The following FBXW7 variants were observed in gnomAD, a reference collection of about 807,000 sequenced individuals.
FBXW7 encodes F-box and WD repeat domain containing 7, also known as F-box/WD repeat-containing protein 7.
FBXW7 carries 11 observed loss-of-function variants against 86.3 expected under a neutral mutation model. The ratio of observed to expected loss-of-function variants is 0.13; its 90% CI spans 0.08 to 0.21. The LOEUF (loss-of-function observed/expected upper bound fraction) is 0.21. Among genes scored for constraint, FBXW7 ranks in the 10% least tolerant of loss-of-function variants. FBXW7 has a pLI of 1.00. For synonymous variants in FBXW7, 313 were observed against 297.9 expected (o/e 1.05, Z -0.52); for missense variants, 488 against 847.4 (o/e 0.58, Z 5.27).
chr4:152,520,439 CAAAAAAA>C (rs58890384), intron 2 of FBXW7, among the ~76,000 whole-genome samples: 14 of 60,508 alleles, frequency 2.3e-4, no homozygotes, highest in African/African-American at 8.2e-4. Context: ...GACTCCGTCT[CAAAAAAA>C]AAAAAAAAAA....
At chr4:152,487,488 C>A (rs545572315) in intron 2 of FBXW7, among the ~76,000 whole-genome samples, 1 of 151,998 alleles carries the variant, frequency 6.6e-6, no homozygotes, top group African/African-American at 2.4e-5. Context: ...GTTATGCCAA[C>A]AGTATATTAT....
At chr4:152,421,820 AGTGGTCAG>A (rs982546492) in intron 2 of FBXW7, among the ~76,000 whole-genome samples, 7 of 152,186 alleles carry the variant, frequency 4.6e-5, no homozygotes, top group Non-Finnish European at 8.8e-5. Flanking sequence ...TGGTTGGTGG[AGTGGTCAG>A]AATACATACA....
At chr4:152,400,814 C>G (rs1011312903) in intron 4 of FBXW7, among the ~76,000 whole-genome samples, 4 of 152,176 alleles carry the variant, frequency 2.6e-5, no homozygotes, top group South Asian at 2.1e-4. Context: ...GCAAAATGCA[C>G]ATGGGATAAA....
chr4:152,478,938 T>C (rs1397213522), intron 2 of FBXW7, among the ~76,000 whole-genome samples: 1 of 152,062 alleles, frequency 6.6e-6, no homozygotes, highest in East Asian at 1.9e-4. Context: ...TCTAAGGTTA[T>C]AAAAAAATTA....
At chr4:152,396,721 G>A (rs1271670646) in intron 4 of FBXW7, among the ~76,000 whole-genome samples, 1 of 152,042 alleles carries the variant, frequency 6.6e-6, no homozygotes, top group Non-Finnish European at 1.5e-5. Flanking sequence ...AAAAGGATCA[G>A]AATTCAAGCT....
At chr4:152,510,456 C>A (rs1306718335) in intron 2 of FBXW7, among the ~76,000 whole-genome samples, 1 of 152,096 alleles carries the variant, frequency 6.6e-6, no homozygotes, top group Non-Finnish European at 1.5e-5. Flanking sequence ...TATTATCAAC[C>A]TTTTTCATGT....
intron 2 of FBXW7, among the ~76,000 whole-genome samples, chr4:152,420,490 A>C (rs953642371): frequency 6.6e-6 from 1 of 152,278 alleles, no homozygotes; most frequent in East Asian, 1.9e-4. Flanking sequence ...TCCTTCCCAG[A>C]AGGTTTTTGG....
At chr4:152,458,667 T>G (rs1312353345) in intron 2 of FBXW7, among the ~76,000 whole-genome samples, 1 of 152,206 alleles carries the variant, frequency 6.6e-6, no homozygotes, top group Non-Finnish European at 1.5e-5. Flanking sequence ...CACAGTCCCA[T>G]ATCTACCTTT....
chr4:152,388,643 A>G (rs909325221), intron 4 of FBXW7, among the ~76,000 whole-genome samples: 1 of 152,210 alleles, frequency 6.6e-6, no homozygotes, highest in Non-Finnish European at 1.5e-5. Context: ...AAACCATCCC[A>G]TGGTACACCA....
At chr4:152,325,794 A>C (rs1728962530) in intron 12 of FBXW7, 1 of 499,540 alleles carries the variant, frequency 2.0e-6, no homozygotes, top group South Asian at 3.5e-5. Context: ...TTGTATTTAG[A>C]GGAGAAATAG....
intron 4 of FBXW7, among the ~76,000 whole-genome samples, chr4:152,381,026 T>C (rs1328548261): frequency 2.0e-5 from 3 of 152,040 alleles, no homozygotes; most frequent in Non-Finnish European, 4.4e-5. Flanking sequence ...AGTACAAAAG[T>C]AACAAGAGGG....
intron 2 of FBXW7, among the ~76,000 whole-genome samples, chr4:152,444,899 A>G (rs1194097938): frequency 2.0e-5 from 3 of 152,152 alleles, no homozygotes; most frequent in Non-Finnish European, 4.4e-5. Context: ...TGGCACAATA[A>G]TAGCTCAGCT....
At chr4:152,446,587 C>T (rs899983461) in intron 2 of FBXW7, among the ~76,000 whole-genome samples, 6 of 152,190 alleles carry the variant, frequency 3.9e-5, no homozygotes, top group African/African-American at 1.2e-4. Context: ...TCTTTTAATG[C>T]TCGATCCAGG....
intron 7 of FBXW7, among the ~76,000 whole-genome samples, chr4:152,333,793 C>A (rs1320359555): frequency 1.3e-5 from 2 of 152,062 alleles, no homozygotes; most frequent in African/African-American, 4.8e-5. Context: ...GTGGCTCACT[C>A]CTGTAATACC....
intron 2 of FBXW7, among the ~76,000 whole-genome samples, chr4:152,524,621 T>G (rs1202380809): frequency 6.6e-6 from 1 of 152,150 alleles, no homozygotes; most frequent in Non-Finnish European, 1.5e-5. Flanking sequence ...GGGTGTGACC[T>G]CTGACTAAGA....
Position 152,407,252 on chromosome 4 carries a change from CATGTTTAAAATTGGG to C in FBXW7, c.501+4036_501+4050del, listed in dbSNP as rs1419023906. On this transcript the variant is annotated intron_variant, in intron 4 of 13. Coordinates refer to ENST00000281708, the MANE Select transcript of FBXW7 (RefSeq NM_001349798.2). ...TCTCCCATTTCCATTATCCTCCCCA[CATGTTTAAAATTGGG>C]CTAAATTAGGCTGAGTCAATGTTTC... Among the ~76,000 whole-genome samples the C allele has an allele frequency of 5.9e-5, 9 of 152,312 alleles. No individual in the cohort carries two copies. The East Asian group carries it at 1.7e-3, about 29-fold the overall frequency.
At chr4:152,474,886 G>T (rs985690558) in intron 2 of FBXW7, among the ~76,000 whole-genome samples, 1 of 151,938 alleles carries the variant, frequency 6.6e-6, no homozygotes, top group African/African-American at 2.4e-5. Flanking sequence ...GGATGGTCTC[G>T]ATCTCCCGAC....
chr4:152,373,978 A>G (rs72955043), intron 4 of FBXW7, among the ~76,000 whole-genome samples: 3,037 of 152,174 alleles, frequency 0.02, 87 homozygotes, highest in Admixed American at 0.066. Context: ...GAATGGTCTG[A>G]TATGTGATAA....
chr4:152,353,293 T>C (rs1392240010), intron 4 of FBXW7, among the ~76,000 whole-genome samples: 1 of 152,138 alleles, frequency 6.6e-6, no homozygotes, highest in Non-Finnish European at 1.5e-5. Flanking sequence ...ATTAATATAC[T>C]CTGGGGTTGA....
Sources: allele counts gnomAD v4.1 joint callset (sites outside exome capture counted in the v4.1 genomes callset), GRCh38; gene constraint gnomAD v4.1.1; transcripts MANE v1.5; gene names NCBI Gene and HGNC (gene_info 2026-07-23, HGNC 2026-07-21).